Variants in HLA-DOB observed in about 807,000 individuals in gnomAD.
HLA-DOB encodes the protein HLA class II histocompatibility antigen, DO beta chain.
HLA-DOB carries 25 observed loss-of-function variants against 27.7 expected under a neutral mutation model. That is an observed-to-expected ratio of 0.90 (90% CI 0.66 to 1.26). The LOEUF is 1.26. HLA-DOB is among the 50% of genes most tolerant of loss of function. The pLI is 0.00. For missense variants in HLA-DOB, 306 were observed against 324.9 expected (o/e 0.94, Z 0.45); for synonymous variants, 137 against 125.6 (o/e 1.09, Z -0.61).
Position 32,815,224 on chromosome 6 carries a change from C to A in HLA-DOB, c.181G>T (p.Glu61Ter). 6.2e-7 allele frequency: 1 copy of A among 1,614,226 alleles called. No homozygotes were observed. Residue 61 changes from glutamate to a stop codon, truncating the protein, a stop_gained, in exon 2 of 6, where the codon GAG becomes TAG. Coordinates refer to ENST00000438763, the MANE Select transcript of HLA-DOB (RefSeq NM_002120.4). LOFTEE classifies it high-confidence loss of function. The stretch of plus-strand genomic sequence containing the variant: ...TCACTGTCGAAACGTACATACTCCT[C>A]CAAGTTAAAGATGAATCTGACCACA... ...QFVVRFIFNL[E>*]EYVRFDSDVG...
At chr6:32,815,412 T>G in intron 1 of HLA-DOB, 99 bp from the exon 2 acceptor site, 1 of 1,232,276 alleles carries the variant, frequency 8.1e-7, no homozygotes, top group Non-Finnish European at 1.2e-6. Flanking sequence ...GAGGAGGCCT[T>G]TGACCTCAGT....
intron 1 of HLA-DOB, among the ~76,000 whole-genome samples, chr6:32,816,188 A>T (rs1471891987): frequency 6.6e-6 from 1 of 152,090 alleles, no homozygotes; most frequent in Non-Finnish European, 1.5e-5. Context: ...TGCAAAGGGG[A>T]TTCTGTTCTT....
Position 32,813,253 on chromosome 6 carries a change from T to G in HLA-DOB, c.787-2A>C. ...AGGGAGCAGAACAGCTCTTGAGACC[T>G]GGAGGCACAGTGATGAAGGTCTCAG... On this transcript the variant is annotated splice_acceptor_variant, in intron 5 of 5. Transcript: ENST00000438763. LOFTEE classifies it high-confidence loss of function. 1 of 1,613,000 alleles carries G rather than the reference T, an allele frequency of 6.2e-7. No individual in the cohort carries two copies.
At chr6:32,815,673 C>A (rs17501287) in intron 1 of HLA-DOB, among the ~76,000 whole-genome samples, 1 of 152,110 alleles carries the variant, frequency 6.6e-6, no homozygotes, top group Non-Finnish European at 1.5e-5. Flanking sequence ...GTGCTGTGAA[C>A]TCATTGGGTA....
chr6:32,813,386 C>T lies in HLA-DOB; in HGVS notation c.786+54G>A. ...TACCCCCATGTCATCTCCCTCTGGC[C>T]AAAGAACCGGGAGAATGATCTGCCA... On this transcript the variant is annotated intron_variant, in intron 5 of 5. Transcript: ENST00000438763. The T allele has an allele frequency of 7.5e-6, 12 of 1,602,834 alleles. No individual in the cohort carries two copies. The South Asian group carries it at 1.3e-4, about 18-fold the overall frequency.
Position 32,813,205 on chromosome 6 carries a change from C to T in HLA-DOB, c.*11G>A. 6.2e-7 allele frequency: 1 copy of T among 1,612,572 alleles called. No individual in the cohort carries two copies. The highest frequency in any genetic ancestry group is 8.5e-7 in the Non-Finnish European group (1 of 1,179,546). On this transcript the variant is annotated 3_prime_UTR_variant, in exon 6 of 6. Transcript: ENST00000438763. Reference sequence around the variant, plus strand: ...CTTCAGGCTCCAGAGAGAGAAGCTTCAGTGAGGACCTTAGCATGACTGAGG... The same window carrying T: ...CTTCAGGCTCCAGAGAGAGAAGCTTTAGTGAGGACCTTAGCATGACTGAGG...
Position 32,814,329 on chromosome 6 carries a change from C to T in HLA-DOB, c.634G>A (p.Val212Met), listed in dbSNP as rs1357779517. ...DHSSLLSPVS[V>M]EWRAQSEYSW... ...AGAAACTAATTCTCACTCCACTCCA[C>T]AGAAACAGGGCTCAGCAGGCTGGAG... Residue 212 changes from valine to methionine, a missense_variant, in exon 3 of 6, where the codon GTG becomes ATG. Physicochemically the swap from Val to Met is conservative, Grantham distance 21. Coordinates refer to ENST00000438763, the MANE Select transcript of HLA-DOB (RefSeq NM_002120.4). The T allele has an allele frequency of 2.5e-6, 4 of 1,612,924 alleles. No individual in the cohort carries two copies. The highest frequency in any genetic ancestry group is 3.3e-5 in the Admixed American group (2 of 60,026).
At chr6:32,814,679 T>A in intron 2 of HLA-DOB, 78 bp from the exon 3 acceptor site, 1 of 1,293,132 alleles carries the variant, frequency 7.7e-7, no homozygotes, top group Non-Finnish European at 1.1e-6. Flanking sequence ...GGACTATCAC[T>A]ATGTCTAATC....
Position 32,816,979 on chromosome 6 carries a change from T to C in HLA-DOB, c.-28A>G, listed in dbSNP as rs1224691362. The stretch of plus-strand genomic sequence containing the variant: ...TGGAGAAAGGAAAAAAATGAGATAG[T>C]AAAATCGTCAGCCTCTTCAGAATGA... On this transcript the variant is annotated 5_prime_UTR_variant, in exon 1 of 6. Coordinates refer to ENST00000438763, the MANE Select transcript of HLA-DOB (RefSeq NM_002120.4). 7 of 1,480,758 alleles carry C rather than the reference T, an allele frequency of 4.7e-6. No homozygotes were observed. The highest frequency in any genetic ancestry group is 1.7e-5 in the Admixed American group (1 of 59,646). 91.7% of individuals were successfully genotyped at this position (1,480,758 alleles called of 1,614,324 possible).
chr6:32,815,705 C>T (rs1767992900), intron 1 of HLA-DOB, among the ~76,000 whole-genome samples: 1 of 152,154 alleles, frequency 6.6e-6, no homozygotes, highest in Admixed American at 6.5e-5. Flanking sequence ...ATCCTATGCA[C>T]TTAAGAACAA....
intron 3 of HLA-DOB, 67 bp from the exon 4 acceptor site, chr6:32,813,900 A>G: frequency 1.0e-6 from 1 of 996,194 alleles, no homozygotes; most frequent in East Asian, 2.6e-5. Context: ...TTGGAATCCC[A>G]GAATCTGTAC....
At chr6:32,813,297 C>A (rs528170318) in intron 5 of HLA-DOB, 46 bp from the exon 6 acceptor site, 3 of 1,609,990 alleles carry the variant, frequency 1.9e-6, no homozygotes, top group South Asian at 1.1e-5. Flanking sequence ...CTCACCACCC[C>A]CCACAGCCGT....
chr6:32,815,314 C>T lies in HLA-DOB; in HGVS notation c.92-1G>A, dbSNP rs755946396. 7 of 1,613,766 alleles carry T rather than the reference C, an allele frequency of 4.3e-6. No individual in the cohort carries two copies. Among genetic ancestry groups the T allele is most frequent in the Middle Eastern group, 1.7e-4 (1 of 6,060 alleles). On this transcript the variant is annotated splice_acceptor_variant, in intron 1 of 5. Coordinates refer to ENST00000438763, the MANE Select transcript of HLA-DOB (RefSeq NM_002120.4). LOFTEE classifies it high-confidence loss of function. ...GCCTTTGCCTGAATCACAAAATCTTCTGGAAAACCAAAACCAAAACCATGA... is the reference window on the plus strand; with the variant it reads ...GCCTTTGCCTGAATCACAAAATCTTTTGGAAAACCAAAACCAAAACCATGA...
Position 32,813,820 on chromosome 6 carries a change from T to G in HLA-DOB, c.657A>C (p.Glu219Asp). The change falls in exon 4 of 6, where the codon GAA becomes GAC. Residue 219 changes from glutamate to aspartate, a missense_variant. Glu to Asp is a conservative substitution (Grantham distance 45). Coordinates refer to ENST00000438763, the MANE Select transcript of HLA-DOB (RefSeq NM_002120.4). ...PVSVEWRAQSEYSWRKMLSGI... is the reference protein window; with the variant it reads ...PVSVEWRAQSDYSWRKMLSGI... ...CACTCAGCATCTTTCTCCAAGAATA[T>G]TCAGACTGAGCTCCTATGGGAAACA... 6.4e-7 allele frequency: 1 copy of G among 1,554,330 alleles called. No homozygotes were observed. The highest frequency in any genetic ancestry group is 8.7e-7 in the Non-Finnish European group (1 of 1,145,790).
Position 32,816,842 on chromosome 6 carries a change from A to G in HLA-DOB, c.91+19T>C. On this transcript the variant is annotated intron_variant, in intron 1 of 5. Transcript: ENST00000438763. Reference sequence around the variant, plus strand: ...ATTCTTGCATACACACTGGAAAAAAACAATTGCTCTGTTCTTACCTGGAGA... The same window carrying G: ...ATTCTTGCATACACACTGGAAAAAAGCAATTGCTCTGTTCTTACCTGGAGA... 2 of 1,601,976 alleles carry G rather than the reference A, an allele frequency of 1.2e-6. No individual in the cohort carries two copies. The highest frequency in any genetic ancestry group is 1.7e-6 in the Non-Finnish European group (2 of 1,171,378).
At chr6:32,815,773 A>T (rs1162342381) in intron 1 of HLA-DOB, among the ~76,000 whole-genome samples, 1 of 152,258 alleles carries the variant, frequency 6.6e-6, no homozygotes, top group African/African-American at 2.4e-5. Flanking sequence ...GTCAGGAAGG[A>T]CGTCCTGAAG....
In HLA-DOB at chr6:32,813,100, T is replaced by A; in HGVS notation, c.*116A>T. On this transcript the variant is annotated 3_prime_UTR_variant, in exon 6 of 6. Transcript: ENST00000438763. ...GAATCAGTTCGGGCTCCTCCAAGGA[T>A]CAGGGAAGAGAGTTATTCCCAGAAC... 1 of 969,288 alleles carries A rather than the reference T, an allele frequency of 1.0e-6. No individual in the cohort carries two copies. The highest frequency in any genetic ancestry group is 1.7e-6 in the Non-Finnish European group (1 of 596,802). The allele number at this position is 969,288 out of a possible 1,614,324, so 60.0% of individuals were successfully genotyped here. A position where few individuals can be genotyped will look rare whatever the true frequency, so the allele number is the denominator to read the frequency against.
intron 4 of HLA-DOB, 122 bp from the exon 5 acceptor site, chr6:32,813,593 GA>G: frequency 5.4e-6 from 7 of 1,289,204 alleles, no homozygotes; most frequent in Non-Finnish European, 7.8e-6. Flanking sequence ...TCTAGCTTCA[GA>G]AAAAAATTAT....
chr6:32,816,880 A>G lies in HLA-DOB; in HGVS notation c.72T>C (p.Thr24=). Residue 24 remains threonine, a synonymous_variant, in exon 1 of 6, where the codon ACT becomes ACC. Coordinates refer to ENST00000438763, the MANE Select transcript of HLA-DOB (RefSeq NM_002120.4). ...VNLTRLDSSM[T]QGTDSPEDFV... ...TCTTACCTGGAGAGTCTGTGCCTTG[A>G]GTCATGGAGGAATCCAGTCGGGTCA... 6.2e-7 allele frequency: 1 copy of G among 1,612,868 alleles called. No homozygotes were observed. The highest frequency in any genetic ancestry group is 8.5e-7 in the Non-Finnish European group (1 of 1,179,876).
Sources: gnomAD v4.1 joint callset for allele counts (sites outside exome capture counted in the v4.1 genomes callset) on GRCh38, gnomAD v4.1.1 for gene constraint, MANE v1.5 for transcripts, NCBI Gene and HGNC (gene_info 2026-07-23, HGNC 2026-07-21) for gene names.